PACRGL: variants seen among roughly 807,000 people sequenced by gnomAD.
PACRGL encodes parkin coregulated like, also known as PACRG-like protein.
A neutral mutation model predicts 34.5 loss-of-function variants in PACRGL; 38 were observed. That is an observed-to-expected ratio of 1.10 (90% confidence interval 0.85 to 1.44). PACRGL has a LOEUF of 1.44. PACRGL is among the 40% of genes most tolerant of loss of function. The probability of loss-of-function intolerance (pLI) is 0.00; values close to 1 mark genes in which losing one functional copy is unlikely to be tolerated. For synonymous variants in PACRGL, 128 were observed against 100.1 expected (o/e 1.28, Z -1.66); for missense variants, 305 against 281.4 (o/e 1.08, Z -0.60).
chr4:20,714,016 G>C (rs527319227), intron 7 of PACRGL, among the ~76,000 whole-genome samples: 13 of 152,074 alleles, frequency 8.5e-5, no homozygotes, highest in African/African-American at 3.1e-4. Context: ...TATTAGGTCT[G>C]CTTGGTGCAG....
chr4:20,758,694 A>C, the PACRGL span: 1 of 723,628 alleles, frequency 1.4e-6, no homozygotes, highest in Non-Finnish European at 2.4e-6. Flanking sequence ...ATACACTTGC[A>C]TGCTGTGCAT....
chr4:20,716,012 T>G lies in PACRGL; in HGVS notation c.609+2473T>G, dbSNP rs1024517427. The G allele has an allele frequency of 2.4e-6, 3 of 1,239,606 alleles. No individual in the cohort carries two copies. The African/African-American group carries it at 4.6e-5, about 19-fold the overall frequency. The allele number at this position is 1,239,606 out of a possible 1,614,324, so 76.8% of individuals were successfully genotyped here. A position where few individuals can be genotyped will look rare whatever the true frequency, so the allele number is the denominator to read the frequency against. ...AAACATGTTTAAGTATTTTTGTTTT[T>G]CATTGCGATGTTTTAGTGAATCTGT... is the stretch of plus-strand genomic sequence containing the variant. On this transcript the variant is annotated intron_variant, in intron 7 of 8. Transcript: ENST00000503585.
intron 1 of PACRGL, among the ~76,000 whole-genome samples, chr4:20,701,026 A>G (rs1731927659): frequency 6.6e-5 from 10 of 152,152 alleles, no homozygotes; most frequent in Admixed American, 6.5e-4. Flanking sequence ...AGGGACTGGG[A>G]TAAGTGACTA....
chr4:20,714,312 A>G (rs1049503761), intron 7 of PACRGL, among the ~76,000 whole-genome samples: 1 of 152,046 alleles, frequency 6.6e-6, no homozygotes, highest in African/African-American at 2.4e-5. Flanking sequence ...CCAAGACTAG[A>G]ACTGCAACCC....
downstream of PACRGL, among the ~76,000 whole-genome samples, chr4:20,753,389 C>T (rs1753976325): frequency 6.6e-6 from 1 of 152,144 alleles, no homozygotes; most frequent in Non-Finnish European, 1.5e-5. Flanking sequence ...CTCGAGGTTA[C>T]ATACCTTGGT....
chr4:20,703,862 G>A (rs1733385415), intron 1 of PACRGL, among the ~76,000 whole-genome samples: 1 of 152,152 alleles, frequency 6.6e-6, no homozygotes, highest in Non-Finnish European at 1.5e-5. Context: ...TTGAGTGTAG[G>A]AAATGAAGGA....
chr4:20,760,786 G>A, the PACRGL span, among the ~76,000 whole-genome samples: 4 of 152,180 alleles, frequency 2.6e-5, no homozygotes, highest in East Asian at 1.9e-4. Context: ...TGGAAATAAT[G>A]ATGACCTCAA....
chr4:20,735,964 C>T (rs1749536354), downstream of PACRGL, among the ~76,000 whole-genome samples: 1 of 152,200 alleles, frequency 6.6e-6, no homozygotes, highest in Non-Finnish European at 1.5e-5. Context: ...TGCATTATAT[C>T]TCCCTTTCTC....
chr4:20,741,367 C>T (rs973421300), intron 8 of PACRGL, among the ~76,000 whole-genome samples: 32 of 152,242 alleles, frequency 2.1e-4, no homozygotes, highest in Admixed American at 1.6e-3. Context: ...TTATAACAAA[C>T]TGTCTCTCAG....
In PACRGL at chr4:20,732,192, T is replaced by G; in HGVS notation, c.*4851T>G. 1 of 682,662 alleles carries G rather than the reference T, an allele frequency of 1.5e-6. No individual in the cohort carries two copies. The highest frequency in any genetic ancestry group is 2.7e-5 in the East Asian group (1 of 37,236). 42.3% of individuals were successfully genotyped at this position (682,662 alleles called of 1,614,324 possible). A position where few individuals can be genotyped will look rare whatever the true frequency, so the allele number is the denominator to read the frequency against. On this transcript the variant is annotated 3_prime_UTR_variant, in exon 9 of 9. Coordinates refer to ENST00000503585, the MANE Select transcript of PACRGL (RefSeq NM_001258345.3). ...GCTTATTTATTTCACGTGGAGGAAC[T>G]GTTTCAGAGCAGGAACCAGCAGTTT...
rs1332988268 is a variant in PACRGL, at chr4:20,728,304, C to T, written c.*963C>T. On this transcript the variant is annotated 3_prime_UTR_variant, in exon 9 of 9. Transcript: ENST00000503585. ...TTTTGCATTTCATAGCCAGAAAATA[C>T]TGATGTTCACTTAAAGATATTCAGC... The T allele has an allele frequency of 1.3e-5, 2 of 152,116 alleles. No individual in the cohort carries two copies. Among genetic ancestry groups the T allele is most frequent in the Non-Finnish European group, 2.9e-5 (2 of 68,034 alleles). 9.4% of individuals were successfully genotyped at this position (152,116 alleles called of 1,614,324 possible). A position where few individuals can be genotyped will look rare whatever the true frequency, so the allele number is the denominator to read the frequency against.
intron 7 of PACRGL, among the ~76,000 whole-genome samples, chr4:20,718,041 G>A (rs2149140067): frequency 6.6e-6 from 1 of 152,192 alleles, no homozygotes; most frequent in South Asian, 2.1e-4. Flanking sequence ...TCCTTGAAGA[G>A]GTCCTTCACA....
chr4:20,710,409 G>C (rs1298132788), intron 5 of PACRGL, among the ~76,000 whole-genome samples: 1 of 152,136 alleles, frequency 6.6e-6, no homozygotes, highest in Non-Finnish European at 1.5e-5. Flanking sequence ...GTTAGAAGTA[G>C]AGAAATGAAT....
intron 8 of PACRGL, among the ~76,000 whole-genome samples, chr4:20,738,810 G>A (rs566447144): frequency 1.6e-4 from 25 of 152,270 alleles, no homozygotes; most frequent in East Asian, 1.5e-3. Context: ...CCCAGGAAGC[G>A]CAAGGGGTTG....
chr4:20,734,484 T>C, downstream of PACRGL: 1 of 457,556 alleles, frequency 2.2e-6, no homozygotes, highest in Non-Finnish European at 3.9e-6. Context: ...CCCAAGTTTT[T>C]AATTGTACAT....
At chr4:20,756,577 T>C (rs1240999056), downstream of PACRGL, among the ~76,000 whole-genome samples, 1 of 152,002 alleles carries the variant, frequency 6.6e-6, no homozygotes, top group Non-Finnish European at 1.5e-5. Flanking sequence ...GTAAGTGCTG[T>C]CTCTATTGGT....
At chr4:20,743,042 C>T (rs1293361624) in intron 8 of PACRGL, among the ~76,000 whole-genome samples, 4 of 151,536 alleles carry the variant, frequency 2.6e-5, no homozygotes, top group Non-Finnish European at 4.4e-5. Flanking sequence ...TGTGAAGGAC[C>T]CTTATAAGGG....
intron 8 of PACRGL, among the ~76,000 whole-genome samples, chr4:20,744,775 A>C (rs1251536613): frequency 6.6e-6 from 1 of 152,136 alleles, no homozygotes; most frequent in African/African-American, 2.4e-5. Context: ...AATAATAATA[A>C]AAATATAAAA....
In PACRGL at chr4:20,727,485, T is replaced by A. The variant is rs1746262620; in HGVS notation, c.*144T>A. On this transcript the variant is annotated 3_prime_UTR_variant, in exon 9 of 9. Transcript: ENST00000503585. The stretch of plus-strand genomic sequence containing the variant: ...AAGATGAATAGACACTGAATCAAAG[T>A]TATTCATCAACAAAAAAGAACAGTT... The A allele has an allele frequency of 1.7e-6, 1 of 600,836 alleles. No individual in the cohort carries two copies. The highest frequency in any genetic ancestry group is 2.9e-6 in the Non-Finnish European group (1 of 349,526). The allele number at this position is 600,836 out of a possible 1,614,324, so 37.2% of individuals were successfully genotyped here. A position where few individuals can be genotyped will look rare whatever the true frequency, so the allele number is the denominator to read the frequency against.
Sources: allele counts gnomAD v4.1 joint callset (sites outside exome capture counted in the v4.1 genomes callset), GRCh38; gene constraint gnomAD v4.1.1; transcripts MANE v1.5; gene names NCBI Gene and HGNC (gene_info 2026-07-23, HGNC 2026-07-21).